Variants in UVRAG observed in about 807,000 individuals in gnomAD.
The protein encoded by UVRAG is UV radiation resistance associated.
In UVRAG, 19 loss-of-function variants were observed where a neutral mutation model predicts 78.0. The observed-to-expected ratio is 0.24, with a 90% CI of 0.17 to 0.36. The LOEUF is 0.36. Ranked by LOEUF, UVRAG falls within the 10% of genes least tolerant of loss-of-function variation. The pLI, the probability that UVRAG is intolerant of heterozygous loss-of-function variation, is 1.00. For synonymous variants in UVRAG, 323 were observed against 324.6 expected (o/e 1.00, Z 0.05); for missense variants, 740 against 853.8 (o/e 0.87, Z 1.66).
At chr11:76,054,185 C>T (rs1950934286) in intron 12 of UVRAG, among the ~76,000 whole-genome samples, 1 of 152,050 alleles carries the variant, frequency 6.6e-6, no homozygotes, top group Non-Finnish European at 1.5e-5. Flanking sequence ...CAATTCCATT[C>T]TGTCAGTTGC....
chr11:75,821,229 T>G (rs1945378607), intron 1 of UVRAG, among the ~76,000 whole-genome samples: 1 of 152,220 alleles, frequency 6.6e-6, no homozygotes, highest in Non-Finnish European at 1.5e-5. Flanking sequence ...TCAAGGTTCA[T>G]CCATGTTGCA....
intron 14 of UVRAG, among the ~76,000 whole-genome samples, chr11:76,138,762 T>A (rs1952644677): frequency 1.3e-5 from 2 of 152,224 alleles, no homozygotes; most frequent in Non-Finnish European, 2.9e-5. Flanking sequence ...CTTCCACCCC[T>A]CGTGGGCTGG....
At chr11:75,900,303 T>C (rs1340400975) in intron 5 of UVRAG, among the ~76,000 whole-genome samples, 1 of 152,214 alleles carries the variant, frequency 6.6e-6, no homozygotes. Context: ...GAGGGCATTT[T>C]TGAGCCTCCT....
At chr11:76,005,299 C>T (rs1433303403) in intron 9 of UVRAG, among the ~76,000 whole-genome samples, 1 of 151,904 alleles carries the variant, frequency 6.6e-6, no homozygotes, top group Non-Finnish European at 1.5e-5. Flanking sequence ...GCCGAGATGG[C>T]GCCACTGCAC....
chr11:75,989,292 T>C (rs907323256), intron 8 of UVRAG, among the ~76,000 whole-genome samples: 2 of 152,108 alleles, frequency 1.3e-5, no homozygotes, highest in African/African-American at 4.8e-5. Flanking sequence ...TGACCCCAAG[T>C]GATCCGCCTA....
rs146439125 is a variant in UVRAG at position 75,840,735 on chromosome 11, T to G, written c.118-11148T>G. Among the ~76,000 whole-genome samples the G allele has an allele frequency of 1.3e-4, 20 of 152,318 alleles. No individual in the cohort carries two copies. In the East Asian group the frequency reaches 3.9e-3, roughly 29 times the overall value. ...TCATGAGAGATTAGGGTTGTTGGGT[T>G]GTTTGTTTAAATCTGTAACTTGGTT... On this transcript the variant is annotated intron_variant, in intron 1 of 14. Coordinates refer to ENST00000356136, the MANE Select transcript of UVRAG (RefSeq NM_003369.4).
chr11:75,909,398 C>T (rs145802417), intron 5 of UVRAG, among the ~76,000 whole-genome samples: 10 of 152,092 alleles, frequency 6.6e-5, no homozygotes, highest in African/African-American at 2.4e-4. Flanking sequence ...GCAGGAGGAT[C>T]GCTTCAGCCC....
chr11:75,963,314 A>C (rs1244931368), intron 7 of UVRAG, among the ~76,000 whole-genome samples: 3 of 152,234 alleles, frequency 2.0e-5, no homozygotes, highest in Admixed American at 6.5e-5. Context: ...AATCTAGCAT[A>C]ATGTCCTTTT....
intron 11 of UVRAG, among the ~76,000 whole-genome samples, chr11:76,015,605 A>T (rs1020935226): frequency 2.7e-5 from 4 of 145,710 alleles, no homozygotes; most frequent in East Asian, 4.0e-4. Context: ...TATATATATA[A>T]AAAAATATAT....
rs1947433776 is a variant in UVRAG at position 75,899,373 on chromosome 11, A to T, written c.507+10470A>T. Among the ~76,000 whole-genome samples the T allele has an allele frequency of 4.6e-5, 7 of 152,194 alleles. No individual in the cohort carries two copies. The South Asian group carries it at 1.5e-3, about 32-fold the overall frequency. ...AATACAGAGCTTTAAAAAAACTACC[A>T]TTGCCAGTTTTCATTTACTGAGTGC... On this transcript the variant is annotated intron_variant, in intron 5 of 14. Coordinates refer to ENST00000356136, the MANE Select transcript of UVRAG (RefSeq NM_003369.4).
chr11:76,075,576 C>T (rs1244473093), intron 13 of UVRAG, among the ~76,000 whole-genome samples: 2 of 151,352 alleles, frequency 1.3e-5, no homozygotes, highest in East Asian at 1.9e-4. Context: ...CATGCCACTG[C>T]ACTCCAGCCT....
At position 75,826,656 on chromosome 11, in the gene UVRAG, T is replaced by C. The variant is rs565985647; in HGVS notation, c.117+11132T>C. The stretch of plus-strand genomic sequence containing the variant: ...GTCCCTCTGGAGCTTAAATGATCAG[T>C]CTTCCTGTTTTGTCCCTGGGTACTT... On this transcript the variant is annotated intron_variant, in intron 1 of 14. Transcript: ENST00000356136. Among the ~76,000 whole-genome samples the C allele has an allele frequency of 2.6e-5, 4 of 152,046 alleles. No individual in the cohort carries two copies. In the South Asian group the frequency reaches 6.2e-4, roughly 24 times the overall value.
rs1192461237 is a variant in UVRAG, at chr11:75,890,941, G to GTTA, written c.507+2041_507+2043dup. Among the ~76,000 whole-genome samples the GTTA allele has an allele frequency of 2.0e-5, 3 of 149,126 alleles. No individual in the cohort carries two copies. The South Asian group carries it at 6.3e-4, about 31-fold the overall frequency. On this transcript the variant is annotated intron_variant, in intron 5 of 14. Transcript: ENST00000356136. ...GGGTTTTGTTGTTGTTGTTGTTGTT[G>GTTA]TTATTGTTGTTTGTCTTTTTGCTTG...
chr11:76,135,665 T>C (rs553284976), intron 14 of UVRAG, among the ~76,000 whole-genome samples: 5 of 152,342 alleles, frequency 3.3e-5, no homozygotes, highest in African/African-American at 1.2e-4. Flanking sequence ...ACAGATGTCA[T>C]GTTTCCAGTT....
intron 4 of UVRAG, 105 bp from the exon 5 acceptor site, chr11:75,888,724 G>A: frequency 1.1e-6 from 1 of 881,840 alleles, no homozygotes; most frequent in Non-Finnish European, 1.7e-6. Context: ...TAGTCAGCCG[G>A]TTTCTCAGTA....
At chr11:75,842,364 G>T (rs1340205768) in intron 1 of UVRAG, among the ~76,000 whole-genome samples, 1 of 151,988 alleles carries the variant, frequency 6.6e-6, no homozygotes, top group Admixed American at 6.6e-5. Context: ...TAAAATTGTG[G>T]GTGTGATTAT....
intron 14 of UVRAG, among the ~76,000 whole-genome samples, chr11:76,118,275 C>T (rs567774718): frequency 3.0e-4 from 45 of 152,162 alleles, no homozygotes; most frequent in Non-Finnish European, 5.9e-4. Context: ...AGAGTGTGTT[C>T]TGGCTAACAT....
At position 75,827,753 on chromosome 11, in the gene UVRAG, G is replaced by T. The variant is rs552545450; in HGVS notation, c.117+12229G>T. Among the ~76,000 whole-genome samples, 549 of 152,292 alleles carry T rather than the reference G, an allele frequency of 3.6e-3. 1 individual carries two copies. The highest frequency in any genetic ancestry group is 0.012 in the African/African-American group (497 of 41,552). On this transcript the variant is annotated intron_variant, in intron 1 of 14. Coordinates refer to ENST00000356136, the MANE Select transcript of UVRAG (RefSeq NM_003369.4). ...ATTCGGAACTGTATGTCTTGTGTCT[G>T]CCAGCCTACTTACATCTTTCAGGGG... is the stretch of plus-strand genomic sequence containing the variant.
At chr11:76,094,305 T>A (rs558986966) in intron 13 of UVRAG, among the ~76,000 whole-genome samples, 109 of 152,312 alleles carry the variant, frequency 7.2e-4, no homozygotes, top group African/African-American at 2.5e-3. Flanking sequence ...TAAGGGATAT[T>A]GGTTTGAAAT....
Sources: allele counts gnomAD v4.1 joint callset (sites outside exome capture counted in the v4.1 genomes callset), GRCh38; gene constraint gnomAD v4.1.1; transcripts MANE v1.5; gene names NCBI Gene and HGNC (gene_info 2026-07-23, HGNC 2026-07-21).